MOB3B: variants seen among roughly 807,000 people sequenced by gnomAD.
MOB3B encodes the protein MOB kinase activator 3B.
Under a neutral mutation model 18.7 loss-of-function variants are expected in MOB3B, and 7 were observed. The ratio of observed to expected loss-of-function variants is 0.37; its 90% CI spans 0.21 to 0.70. MOB3B has a LOEUF of 0.70. Among genes scored for constraint, MOB3B ranks in the 30% least tolerant of loss-of-function variants. The pLI, the probability that MOB3B is intolerant of heterozygous loss-of-function variation, is 0.52. For synonymous variants in MOB3B, 111 were observed against 99.9 expected (o/e 1.11, Z -0.66); for missense variants, 253 against 281.3 (o/e 0.90, Z 0.72).
chr9:27,459,756 T>C (rs1419183243), intron 1 of MOB3B, among the ~76,000 whole-genome samples: 1 of 151,104 alleles, frequency 6.6e-6, no homozygotes, highest in East Asian at 2.0e-4. Flanking sequence ...TACCTTTTCA[T>C]AAATGCCAGG....
intron 1 of MOB3B, among the ~76,000 whole-genome samples, chr9:27,485,882 T>C (rs1334836581): frequency 6.6e-6 from 1 of 152,244 alleles, no homozygotes; most frequent in Non-Finnish European, 1.5e-5. Flanking sequence ...ACCACATAAG[T>C]GCAAACTCAC....
At chr9:27,342,865 T>G (rs867996664) in intron 3 of MOB3B, among the ~76,000 whole-genome samples, 8 of 151,350 alleles carry the variant, frequency 5.3e-5, no homozygotes, top group African/African-American at 2.0e-4. Context: ...GTGCCGAGAT[T>G]GCAGCCTCTG....
At position 27,330,169 on chromosome 9, in the gene MOB3B, A is replaced by C. The variant is rs2131327847; in HGVS notation, c.*418T>G. On this transcript the variant is annotated 3_prime_UTR_variant, in exon 4 of 4. Transcript: ENST00000262244. Reference sequence around the variant, plus strand: ...CCAAAATTCACCCGGCACTTAAAAAACCAATCACAGAGAAGTCGGCCAGCT... The same window carrying C: ...CCAAAATTCACCCGGCACTTAAAAACCCAATCACAGAGAAGTCGGCCAGCT... The C allele has an allele frequency of 6.1e-6, 1 of 164,590 alleles. No homozygotes were observed. Among genetic ancestry groups the C allele is most frequent in the East Asian group, 1.8e-4 (1 of 5,576 alleles). 10.2% of individuals were successfully genotyped at this position (164,590 alleles called of 1,614,324 possible). A position where few individuals can be genotyped will look rare whatever the true frequency, so the allele number is the denominator to read the frequency against.
At chr9:27,417,106 G>A (rs1056109146) in intron 2 of MOB3B, among the ~76,000 whole-genome samples, 1 of 152,224 alleles carries the variant, frequency 6.6e-6, no homozygotes, top group South Asian at 2.1e-4. Context: ...GCTCACGCCT[G>A]TAATCCCAGC....
chr9:27,527,102 T>A (rs2131512838), intron 1 of MOB3B, among the ~76,000 whole-genome samples: 1 of 152,332 alleles, frequency 6.6e-6, no homozygotes. Context: ...CTATAGTGAT[T>A]TTTTTGGGAA....
intron 1 of MOB3B, among the ~76,000 whole-genome samples, chr9:27,477,305 T>C (rs928663538): frequency 1.3e-5 from 2 of 152,216 alleles, no homozygotes; most frequent in African/African-American, 4.8e-5. Context: ...GATACCAGCA[T>C]GATTCTTCAT....
At chr9:27,359,376 TGTG>T (rs1821240080) in intron 2 of MOB3B, 140 bp from the exon 3 acceptor site, 158 of 259,626 alleles carry the variant, frequency 6.1e-4, no homozygotes, top group Middle Eastern at 4.1e-3. Context: ...AGTGTGTGTG[TGTG>T]GGGGGGGGGG....
chr9:27,436,479 A>G lies in MOB3B; in HGVS notation c.418+18654T>C, dbSNP rs1474675937. The stretch of plus-strand genomic sequence containing the variant: ...CCCACTGTGTTCCAGTGTTTCGCAC[A>G]TTAGCTCACTGTCTGGCATGTGTGA... On this transcript the variant is annotated intron_variant, in intron 2 of 3. Coordinates refer to ENST00000262244, the MANE Select transcript of MOB3B (RefSeq NM_024761.5). Among the ~76,000 whole-genome samples, 5 of 152,206 alleles carry G rather than the reference A, an allele frequency of 3.3e-5. No individual in the cohort carries two copies. The East Asian group carries it at 7.7e-4, about 23-fold the overall frequency.
chr9:27,331,225 T>A (rs1245473264), intron 3 of MOB3B, among the ~76,000 whole-genome samples: 2 of 152,154 alleles, frequency 1.3e-5, no homozygotes, highest in East Asian at 3.8e-4. Flanking sequence ...CGAATAGCCA[T>A]CCTTTCTCTA....
At chr9:27,467,730 G>T (rs1819408661) in intron 1 of MOB3B, among the ~76,000 whole-genome samples, 1 of 152,214 alleles carries the variant, frequency 6.6e-6, no homozygotes, top group Admixed American at 6.5e-5. Flanking sequence ...CCTGCGAAGT[G>T]CCTGCTTTCA....
chr9:27,447,048 A>G (rs992391437), intron 2 of MOB3B, among the ~76,000 whole-genome samples: 10 of 152,158 alleles, frequency 6.6e-5, no homozygotes, highest in Non-Finnish European at 2.9e-5. Context: ...CTGTCTGCAG[A>G]GACCTTTGCA....
At chr9:27,440,002 A>G (rs1398987477) in intron 2 of MOB3B, among the ~76,000 whole-genome samples, 2 of 152,184 alleles carry the variant, frequency 1.3e-5, no homozygotes, top group African/African-American at 4.8e-5. Context: ...CACCTAGTTA[A>G]CCTACAGTGG....
In MOB3B at chr9:27,477,363, C is replaced by T. The variant is rs570772778; in HGVS notation, c.-198-21615G>A. Among the ~76,000 whole-genome samples, 26 of 152,332 alleles carry T rather than the reference C, an allele frequency of 1.7e-4. No homozygotes were observed. In the South Asian group the frequency reaches 2.7e-3, roughly 16 times the overall value. Reference sequence around the variant, plus strand: ...AAAGGTCACTCCTCAGAGAGGTTTCCTTTGCCACCCTAATAAAGCACATGA... The same window carrying T: ...AAAGGTCACTCCTCAGAGAGGTTTCTTTTGCCACCCTAATAAAGCACATGA... On this transcript the variant is annotated intron_variant, in intron 1 of 3. Transcript: ENST00000262244.
At chr9:27,365,894 G>A (rs1821336572) in intron 2 of MOB3B, among the ~76,000 whole-genome samples, 1 of 152,210 alleles carries the variant, frequency 6.6e-6, no homozygotes, top group Non-Finnish European at 1.5e-5. Context: ...GGCCAGCTGA[G>A]CTCAAGTTTT....
intron 2 of MOB3B, among the ~76,000 whole-genome samples, chr9:27,391,372 A>G (rs1821724989): frequency 6.6e-6 from 1 of 152,196 alleles, no homozygotes. Context: ...TAAAGCTTAA[A>G]AGGTCCCTAG....
intron 2 of MOB3B, among the ~76,000 whole-genome samples, chr9:27,447,309 A>G (rs1225665333): frequency 6.6e-6 from 1 of 152,174 alleles, no homozygotes; most frequent in Non-Finnish European, 1.5e-5. Context: ...TGCCTCTCCA[A>G]GCTCTACTGA....
At chr9:27,368,142 C>A (rs1469278085) in intron 2 of MOB3B, among the ~76,000 whole-genome samples, 2 of 152,180 alleles carry the variant, frequency 1.3e-5, no homozygotes, top group South Asian at 2.1e-4. Context: ...CACACCATTT[C>A]CAAAATACTT....
chr9:27,433,323 C>T (rs1384712195), intron 2 of MOB3B, among the ~76,000 whole-genome samples: 1 of 152,088 alleles, frequency 6.6e-6, no homozygotes, highest in East Asian at 1.9e-4. Context: ...CATTTTCCAC[C>T]TATGTCTGCA....
At chr9:27,371,805 G>A (rs902292509) in intron 2 of MOB3B, among the ~76,000 whole-genome samples, 3 of 152,038 alleles carry the variant, frequency 2.0e-5, no homozygotes, top group Admixed American at 6.5e-5. Flanking sequence ...AGGACTGCCA[G>A]ACCTTCTGTT....
Sources: gnomAD v4.1 joint callset for allele counts (sites outside exome capture counted in the v4.1 genomes callset) on GRCh38, gnomAD v4.1.1 for gene constraint, MANE v1.5 for transcripts, NCBI Gene and HGNC (gene_info 2026-07-23, HGNC 2026-07-21) for gene names.